FAM13A: variants seen among roughly 807,000 people sequenced by gnomAD.
FAM13A encodes the protein family with sequence similarity 13 member A.
FAM13A carries 76 observed loss-of-function variants against 129.6 expected under a neutral mutation model. That is an observed-to-expected ratio of 0.59 (90% CI 0.49 to 0.71). FAM13A has a LOEUF of 0.71. Ranked by LOEUF, FAM13A falls within the 30% of genes least tolerant of loss-of-function variation. The pLI is 0.00. For missense variants in FAM13A, 1,108 were observed against 1,249.3 expected (o/e 0.89, Z 1.70); for synonymous variants, 443 against 449.9 (o/e 0.98, Z 0.20).
chr4:88,839,557 T>A (rs985833152), intron 7 of FAM13A, among the ~76,000 whole-genome samples: 1 of 150,636 alleles, frequency 6.6e-6, no homozygotes, highest in African/African-American at 2.4e-5. Context: ...TGTTAAATAT[T>A]GAAGTGGACT....
At chr4:88,990,952 A>G in intron 4 of FAM13A, 21 bp downstream of exon 4, 1 of 1,588,848 alleles carries the variant, frequency 6.3e-7, no homozygotes, top group Non-Finnish European at 8.6e-7. Flanking sequence ...TGATATTAAC[A>G]GTAAAACTCC....
intron 19 of FAM13A, among the ~76,000 whole-genome samples, chr4:88,741,303 T>C (rs1427138694): frequency 6.6e-6 from 1 of 152,226 alleles, no homozygotes; most frequent in African/African-American, 2.4e-5. Context: ...AATTGAATAC[T>C]ACACAGCAAC....
At chr4:89,052,062 T>A (rs902085921) in intron 1 of FAM13A, among the ~76,000 whole-genome samples, 1 of 152,108 alleles carries the variant, frequency 6.6e-6, no homozygotes, top group African/African-American at 2.4e-5. Flanking sequence ...GCCAGGCTAC[T>A]ATGTCTCATG....
intron 7 of FAM13A, among the ~76,000 whole-genome samples, 195 bp downstream of exon 7, chr4:88,850,825 C>G (rs187601086): frequency 6.6e-6 from 1 of 152,228 alleles, no homozygotes. Context: ...GAAAACAAAA[C>G]AACTAGAATG....
Position 89,054,318 on chromosome 4 carries a change from C to CAT in FAM13A, c.27+2619_27+2620insAT, listed in dbSNP as rs1553933069. Among the ~76,000 whole-genome samples, 418 of 149,022 alleles carry CAT rather than the reference C, an allele frequency of 2.8e-3. 18 individuals carry two copies. In the South Asian group the frequency reaches 0.081, roughly 29 times the overall value. On this transcript the variant is annotated intron_variant, in intron 1 of 23. Transcript: ENST00000264344. ...ACACAGACACACACACACACACACA[C>CAT]GTACGTACTACAGATATCTAGTACT...
intron 6 of FAM13A, among the ~76,000 whole-genome samples, chr4:88,875,864 C>T (rs1287416393): frequency 6.6e-6 from 1 of 152,126 alleles, no homozygotes; most frequent in Non-Finnish European, 1.5e-5. Context: ...CGGCACTATT[C>T]ACAATAGCAA....
In FAM13A at chr4:88,833,340, T is replaced by C. The variant is rs544272053; in HGVS notation, c.1007+17680A>G. On this transcript the variant is annotated intron_variant, in intron 7 of 23. Coordinates refer to ENST00000264344, the MANE Select transcript of FAM13A (RefSeq NM_014883.4). Reference sequence around the variant, plus strand: ...TGGCATACGTTTACCTATATAAACCTGCACACCCTGCACATGTACCCGGAA... The same window carrying C: ...TGGCATACGTTTACCTATATAAACCCGCACACCCTGCACATGTACCCGGAA... Among the ~76,000 whole-genome samples, 45 of 152,184 alleles carry C rather than the reference T, an allele frequency of 3.0e-4. 1 individual carries two copies. The highest frequency in any genetic ancestry group is 1.1e-3 in the African/African-American group (45 of 41,536).
chr4:88,959,463 GCATCT>G (rs1758288991), intron 4 of FAM13A, among the ~76,000 whole-genome samples: 1 of 152,136 alleles, frequency 6.6e-6, no homozygotes. Context: ...AAAGGACGTG[GCATCT>G]CCTTGCCTCT....
intron 6 of FAM13A, among the ~76,000 whole-genome samples, chr4:88,885,988 G>A (rs949405023): frequency 3.3e-4 from 45 of 138,446 alleles, no homozygotes; most frequent in Non-Finnish European, 4.6e-5. Flanking sequence ...CTGCAAGAAT[G>A]GCCATAAGCA....
chr4:88,862,977 G>C (rs1375660154), intron 6 of FAM13A, among the ~76,000 whole-genome samples: 5 of 150,114 alleles, frequency 3.3e-5, no homozygotes, highest in Admixed American at 2.7e-4. Context: ...CCTTCATTTA[G>C]CCAAAGAAAA....
rs544695853 is a variant in FAM13A, at chr4:88,913,186, GGAGGAAGAGGAA to G, written c.760-6736_760-6725del. Reference sequence around the variant, plus strand: ...AGGAAGAAGAAGAGGAAGAAGTGGAGGAGGAAGAGGAAGAGGAAGAAGAACAGGAGGAAGAGG... The same window carrying G: ...AGGAAGAAGAAGAGGAAGAAGTGGAGGAGGAAGAAGAACAGGAGGAAGAGG... On this transcript the variant is annotated intron_variant, in intron 5 of 23. Coordinates refer to ENST00000264344, the MANE Select transcript of FAM13A (RefSeq NM_014883.4). 5.8e-4 allele frequency among the ~76,000 whole-genome samples: 79 copies of G among 137,126 alleles called. 2 individuals are homozygous for G. The highest frequency in any genetic ancestry group is 5.3e-3 in the Admixed American group (72 of 13,518). 90.0% of individuals were successfully genotyped at this position (137,126 alleles called of 152,430 possible).
At chr4:88,811,828 C>T (rs1466358989) in intron 7 of FAM13A, among the ~76,000 whole-genome samples, 2 of 152,122 alleles carry the variant, frequency 1.3e-5, no homozygotes, top group East Asian at 1.9e-4. Context: ...TTTATCCCTG[C>T]TATAGTTTAA....
chr4:88,753,591 T>G, intron 14 of FAM13A: 1 of 754,720 alleles, frequency 1.3e-6, no homozygotes, highest in Non-Finnish European at 1.6e-6. Flanking sequence ...GTGAAAGGTT[T>G]CTCATCTATG....
chr4:88,894,402 A>G (rs1207249229), intron 6 of FAM13A, among the ~76,000 whole-genome samples: 1 of 152,236 alleles, frequency 6.6e-6, no homozygotes, highest in East Asian at 1.9e-4. Context: ...AAGGCAACAC[A>G]CTATGTACTA....
At chr4:88,998,963 G>A (rs1255569009) in intron 3 of FAM13A, among the ~76,000 whole-genome samples, 2 of 152,154 alleles carry the variant, frequency 1.3e-5, no homozygotes, top group Non-Finnish European at 2.9e-5. Context: ...CTGATAAAGT[G>A]ACTAATAAAA....
intron 5 of FAM13A, among the ~76,000 whole-genome samples, chr4:88,909,813 T>A (rs1271148515): frequency 6.6e-6 from 1 of 152,130 alleles, no homozygotes; most frequent in African/African-American, 2.4e-5. Flanking sequence ...GATAAAAATA[T>A]TCTGGAATTA....
rs1039452752 is a variant in FAM13A at position 88,834,809 on chromosome 4, T to C, written c.1007+16211A>G. ...TTGGCCAAACCAAGTGATACCTGAA[T>C]GAATACTTTGTTAATAAAAGTTTAA... On this transcript the variant is annotated intron_variant, in intron 7 of 23. Coordinates refer to ENST00000264344, the MANE Select transcript of FAM13A (RefSeq NM_014883.4). Among the ~76,000 whole-genome samples, 3 of 152,294 alleles carry C rather than the reference T, an allele frequency of 2.0e-5. No individual in the cohort carries two copies. In the South Asian group the frequency reaches 6.2e-4, roughly 32 times the overall value.
chr4:88,828,305 T>C (rs146040034), intron 7 of FAM13A, among the ~76,000 whole-genome samples: 32 of 152,114 alleles, frequency 2.1e-4, no homozygotes, highest in African/African-American at 7.0e-4. Context: ...AATGCCTGGA[T>C]AATTTATTTT....
Position 88,890,044 on chromosome 4 carries a change from G to T in FAM13A, c.843+16335C>A, listed in dbSNP as rs2609255. On this transcript the variant is annotated intron_variant, in intron 6 of 23. Coordinates refer to ENST00000264344, the MANE Select transcript of FAM13A (RefSeq NM_014883.4). Reference sequence around the variant, plus strand: ...GGGCAACCAGGATAATTTGGTTCTTGGCCAAATAGGAAGGTGAAACCAAAG... The same window carrying T: ...GGGCAACCAGGATAATTTGGTTCTTTGCCAAATAGGAAGGTGAAACCAAAG... Among the ~76,000 whole-genome samples, 111,004 of 152,032 alleles carry T rather than the reference G, an allele frequency of 0.73. 40,901 individuals carry two copies. The highest frequency in any genetic ancestry group is 0.78 in the Non-Finnish European group (53,361 of 67,994).
Sources: gnomAD v4.1 joint callset for allele counts (sites outside exome capture counted in the v4.1 genomes callset) on GRCh38, gnomAD v4.1.1 for gene constraint, MANE v1.5 for transcripts, NCBI Gene and HGNC (gene_info 2026-07-23, HGNC 2026-07-21) for gene names.